Variants in CHRM4 observed in about 807,000 individuals in gnomAD.
The protein encoded by CHRM4 is muscarinic acetylcholine receptor M4.
In CHRM4, 5 loss-of-function variants were observed where a neutral mutation model predicts 26.3. The ratio of observed to expected loss-of-function variants is 0.19; its 90% CI spans 0.10 to 0.40. The LOEUF is 0.40. Ranked by LOEUF, CHRM4 falls within the 10% of genes least tolerant of loss-of-function variation. CHRM4 has a pLI of 1.00. For missense variants in CHRM4, 402 were observed against 664.5 expected (o/e 0.60, Z 4.34); for synonymous variants, 290 against 285.3 (o/e 1.02, Z -0.16).
At position 46,385,709 on chromosome 11, in the gene CHRM4, T is replaced by G; in HGVS notation, c.849A>C (p.Pro283=). The change falls in exon 2 of 2, where the codon CCA becomes CCC. Residue 283 remains proline (P), a synonymous_variant. Coordinates refer to ENST00000682254, the MANE Select transcript of CHRM4 (RefSeq NM_000741.5). The surrounding 1 kb of genome is among the most constrained non-coding windows in gnomAD (Gnocchi z 6.3). ...EEAPPPALPP[P]PRPVADKDTS... is the part of the protein sequence containing the mutation. Reference sequence around the variant, plus strand: ...TGTCCTTATCAGCCACGGGGCGCGGTGGCGGTGGCAGCGCTGGCGGGGGGG... The same window carrying G: ...TGTCCTTATCAGCCACGGGGCGCGGGGGCGGTGGCAGCGCTGGCGGGGGGG... 2 of 1,563,858 alleles carry G rather than the reference T, an allele frequency of 1.3e-6. No individual in the cohort carries two copies. The highest frequency in any genetic ancestry group is 2.4e-5 in the South Asian group (2 of 83,314).
Position 46,384,027 on chromosome 11 carries a change from T to A in CHRM4, c.*1091A>T, listed in dbSNP as rs902610955. 3.3e-5 allele frequency among the ~76,000 whole-genome samples: 5 copies of A among 152,150 alleles called. No homozygotes were observed. Among genetic ancestry groups the A allele is most frequent in the Admixed American group, 1.3e-4 (2 of 15,280 alleles). ...TGCTCCCCATCAAGTCACCTAAGCCTTTCGGTCCTCATCTCCCTCAGGGAC... is the reference window on the plus strand; with the variant it reads ...TGCTCCCCATCAAGTCACCTAAGCCATTCGGTCCTCATCTCCCTCAGGGAC... On this transcript the variant is annotated 3_prime_UTR_variant, in exon 2 of 2. Coordinates refer to ENST00000682254, the MANE Select transcript of CHRM4 (RefSeq NM_000741.5).
In CHRM4 at chr11:46,386,720, C is replaced by T. The variant is rs1196444799; in HGVS notation, c.-29-134G>A. The T allele has an allele frequency of 1.1e-5, 9 of 844,222 alleles. No homozygotes were observed. Among genetic ancestry groups the T allele is most frequent in the Non-Finnish European group, 1.3e-5 (7 of 554,692 alleles). 52.3% of individuals were successfully genotyped at this position (844,222 alleles called of 1,614,324 possible). On this transcript the variant is annotated intron_variant, in intron 1 of 1. Coordinates refer to ENST00000682254, the MANE Select transcript of CHRM4 (RefSeq NM_000741.5). The surrounding 1 kb of genome is among the most constrained non-coding windows in gnomAD (Gnocchi z 5.8). Reference sequence around the variant, plus strand: ...TTGAGAGAACTCTGTCCCGCCATCCCGCATTTGCCCATTCATTCAACATTA... The same window carrying T: ...TTGAGAGAACTCTGTCCCGCCATCCTGCATTTGCCCATTCATTCAACATTA...
At chr11:46,390,785 G>T (rs1490972191) in intron 1 of CHRM4, among the ~76,000 whole-genome samples, 1 of 152,276 alleles carries the variant, frequency 6.6e-6, no homozygotes. Flanking sequence ...TGGGCACTGT[G>T]TTTCCCGAGT....
chr11:46,388,013 C>T (rs568031162), intron 1 of CHRM4, among the ~76,000 whole-genome samples: 120 of 152,314 alleles, frequency 7.9e-4, no homozygotes, highest in Non-Finnish European at 1.3e-3. Context: ...GCCTGCCCTC[C>T]CTCCCACCAG....
rs1318220970 is a variant in CHRM4 at position 46,386,802 on chromosome 11, A to G, written c.-29-216T>C. 1.3e-5 allele frequency among the ~76,000 whole-genome samples: 2 copies of G among 152,232 alleles called. No individual in the cohort carries two copies. Among genetic ancestry groups the G allele is most frequent in the Non-Finnish European group, 2.9e-5 (2 of 68,036 alleles). ...CAGGGTGCTGTGGCTACAGAAGTGAATAAGACACACATGGCCCCCTGCCTC... is the reference window on the plus strand; with the variant it reads ...CAGGGTGCTGTGGCTACAGAAGTGAGTAAGACACACATGGCCCCCTGCCTC... On this transcript the variant is annotated intron_variant, in intron 1 of 1. Transcript: ENST00000682254. The surrounding 1 kb of genome is among the most constrained non-coding windows in gnomAD (Gnocchi z 5.8).
intron 1 of CHRM4, among the ~76,000 whole-genome samples, chr11:46,388,200 G>A (rs1226857577): frequency 1.3e-5 from 2 of 152,226 alleles, no homozygotes; most frequent in African/African-American, 4.8e-5. Context: ...AGGCATGGTC[G>A]GATACGCAGT....
rs1181273061 is a variant in CHRM4, at chr11:46,391,077, G to A, written c.-30+454C>T. On this transcript the variant is annotated intron_variant, in intron 1 of 1. Transcript: ENST00000682254. The surrounding 1 kb of genome is among the most constrained non-coding windows in gnomAD (Gnocchi z 6.3). ...GCTTGGAGGCTGGGCAGCAAAGGGG[G>A]GTAGTACCGGAGCGGGGGAGGGGTG... Among the ~76,000 whole-genome samples the A allele has an allele frequency of 6.6e-6, 1 of 152,042 alleles. No homozygotes were observed. The highest frequency in any genetic ancestry group is 1.5e-5 in the Non-Finnish European group (1 of 67,976).
At chr11:46,389,702 G>A (rs1945374640) in intron 1 of CHRM4, among the ~76,000 whole-genome samples, 4 of 152,336 alleles carry the variant, frequency 2.6e-5, no homozygotes, top group Middle Eastern at 3.4e-3. Flanking sequence ...AGTGACGCGG[G>A]GTCCCCTCGC....
intron 1 of CHRM4, among the ~76,000 whole-genome samples, chr11:46,390,907 A>G (rs1565106190): frequency 6.6e-6 from 1 of 152,172 alleles, no homozygotes; most frequent in Non-Finnish European, 1.5e-5. Context: ...GGCTCTGGGA[A>G]GGCTGTGGCC....
In CHRM4 at chr11:46,391,688, C is replaced by T. The variant is rs970895304; in HGVS notation, c.-187G>A. ...ACGGACGCGCGGCCCCGCGGGCCGG[C>T]GGGGCGGGCGGCCGGGCCGAGGGCC... On this transcript the variant is annotated 5_prime_UTR_variant, in exon 1 of 2. Transcript: ENST00000682254. This position sits in a 1 kb window ranked among gnomAD's most constrained non-coding sequence, Gnocchi z 6.3. 1.3e-5 allele frequency among the ~76,000 whole-genome samples: 2 copies of T among 148,284 alleles called. No individual in the cohort carries two copies. Among genetic ancestry groups the T allele is most frequent in the Admixed American group, 1.3e-4 (2 of 14,972 alleles).
Position 46,385,307 on chromosome 11 carries a change from G to A in CHRM4, c.1251C>T (p.Asn417=), listed in dbSNP as rs2229163. The A allele has an allele frequency of 7.0e-3, 11,283 of 1,613,950 alleles. 697 individuals carry two copies. In the African/African-American group the frequency reaches 0.13, roughly 19 times the overall value. Reference sequence around the variant, plus strand: ...AGAAGGTGTTCACCAGGACCATGACGTTGTAGGGCGTCCAGGTGAGGATGA... The same window carrying A: ...AGAAGGTGTTCACCAGGACCATGACATTGTAGGGCGTCCAGGTGAGGATGA... The part of the protein sequence containing the change: ...LAFILTWTPY[N]VMVLVNTFCQ... Residue 417 remains asparagine (N), a synonymous_variant, in exon 2 of 2, where the codon AAC becomes AAT. Coordinates refer to ENST00000682254, the MANE Select transcript of CHRM4 (RefSeq NM_000741.5). The surrounding 1 kb of genome is among the most constrained non-coding windows in gnomAD (Gnocchi z 6.3).
chr11:46,385,128 G>C lies in CHRM4; in HGVS notation c.1430C>G (p.Thr477Ser). 1 of 1,607,398 alleles carries C rather than the reference G, an allele frequency of 6.2e-7. No individual in the cohort carries two copies. Among genetic ancestry groups the C allele is most frequent in the Non-Finnish European group, 8.5e-7 (1 of 1,174,550 alleles). The change falls in exon 2 of 2, where the codon ACT (threonine) becomes AGT (serine). Residue 477 changes from threonine (T) to serine (S), a missense_variant. This residue lies in a region of CHRM4 where 55 missense variants were observed against 126.4 expected (regional missense o/e 0.44). Transcript: ENST00000682254. This position sits in a 1 kb window ranked among gnomAD's most constrained non-coding sequence, Gnocchi z 6.3. ...GGCACTCCTGCCTGCCTACCTGGCA[G>C]TGCCGATGTTCCGATACTGGCACAG... is the stretch of plus-strand genomic sequence containing the variant. ...LLLCQYRNIG[T>S]AR is the part of the protein sequence containing the mutation.
rs1421613137 is a variant in CHRM4 at position 46,386,113 on chromosome 11, C to A, written c.445G>T (p.Ala149Ser). 6.2e-7 allele frequency: 1 copy of A among 1,613,290 alleles called. No individual in the cohort carries two copies. Among genetic ancestry groups the A allele is most frequent in the Non-Finnish European group, 8.5e-7 (1 of 1,179,754 alleles). ...CAGGCAGCAGCAATCATGAGGCCTG[C>A]CATCTTGGTGGTGCGCCGGGCAGGG... ...TYPARRTTKM[A>S]GLMIAAAWVL... Residue 149 changes from alanine (A) to serine (S), a missense_variant, in exon 2 of 2, where the codon GCA (alanine) becomes TCA (serine). By Grantham distance (99) the Ala-to-Ser change is moderately conservative. This residue lies in a region of CHRM4 where 48 missense variants were observed against 129.1 expected (regional missense o/e 0.37). Coordinates refer to ENST00000682254, the MANE Select transcript of CHRM4 (RefSeq NM_000741.5). The surrounding 1 kb of genome is among the most constrained non-coding windows in gnomAD (Gnocchi z 5.8).
chr11:46,389,454 G>A (rs1250048894), intron 1 of CHRM4, among the ~76,000 whole-genome samples: 1 of 152,238 alleles, frequency 6.6e-6, no homozygotes, highest in East Asian at 1.9e-4. Context: ...CGTCGTTTTG[G>A]ACACCTCGGG....
rs200068788 is a variant in CHRM4 at position 46,385,961 on chromosome 11, T to A, written c.597A>T (p.Thr199=). The A allele has an allele frequency of 4.5e-5, 72 of 1,612,776 alleles. No individual in the cohort carries two copies. The highest frequency in any genetic ancestry group is 1.3e-4 in the Admixed American group (8 of 59,960). ...FLSNPAVTFG[T]AIAAFYLPVV... Reference sequence around the variant, plus strand: ...CAGGCAGGTAGAAGGCAGCAATGGCTGTGCCAAAGGTCACTGCTGGGTTGG... The same window carrying A: ...CAGGCAGGTAGAAGGCAGCAATGGCAGTGCCAAAGGTCACTGCTGGGTTGG... The change falls in exon 2 of 2, where the codon ACA becomes ACT. Residue 199 remains threonine (T), a synonymous_variant. Transcript: ENST00000682254. This position sits in a 1 kb window ranked among gnomAD's most constrained non-coding sequence, Gnocchi z 6.3.
In CHRM4 at chr11:46,391,541, C is replaced by T. The variant is rs1005966214; in HGVS notation, c.-40G>A. Among the ~76,000 whole-genome samples, 1 of 152,078 alleles carries T rather than the reference C, an allele frequency of 6.6e-6. No homozygotes were observed. ...CCCAGTCGAACCCACCTCTGGGGAG[C>T]CTCAGAGCGTCCCGGGGACCTGCTT... On this transcript the variant is annotated 5_prime_UTR_variant, in exon 1 of 2. Coordinates refer to ENST00000682254, the MANE Select transcript of CHRM4 (RefSeq NM_000741.5). This position sits in a 1 kb window ranked among gnomAD's most constrained non-coding sequence, Gnocchi z 6.3.
At chr11:46,387,527 G>T (rs1245552851) in intron 1 of CHRM4, among the ~76,000 whole-genome samples, 2 of 152,342 alleles carry the variant, frequency 1.3e-5, no homozygotes, top group East Asian at 1.9e-4. Flanking sequence ...GAGGCACGGA[G>T]CTGTTAAAAG....
rs1945323538 is a variant in CHRM4 at position 46,385,371 on chromosome 11, C to T, written c.1187G>A (p.Arg396His). The change falls in exon 2 of 2, where the codon CGC (arginine) becomes CAC (histidine). Residue 396 changes from arginine (R) to histidine (H), a missense_variant. Physicochemically the swap from Arg to His is conservative, Grantham distance 29. Around this residue, in one of 5 missense-constraint regions of CHRM4, gnomAD observed 55 missense variants for 126.4 expected, o/e 0.44. Transcript: ENST00000682254. This position sits in a 1 kb window ranked among gnomAD's most constrained non-coding sequence, Gnocchi z 6.3. The stretch of plus-strand genomic sequence containing the variant: ...GGCAAAGATCGTTCGTGTCACTTTG[C>T]GCTCCCGGGCCGCCATCTGCCGCTT... ...RKKRQMAARE[R>H]KVTRTIFAIL... 3.1e-6 allele frequency: 5 copies of T among 1,609,728 alleles called. No homozygotes were observed. The highest frequency in any genetic ancestry group is 4.3e-6 in the Non-Finnish European group (5 of 1,176,436).
chr11:46,386,183 G>A lies in CHRM4; in HGVS notation c.375C>T (p.Ile125=). The A allele has an allele frequency of 6.2e-7, 1 of 1,613,808 alleles. No homozygotes were observed. The highest frequency in any genetic ancestry group is 8.5e-7 in the Non-Finnish European group (1 of 1,179,888). Residue 125 remains isoleucine (I), a synonymous_variant, in exon 2 of 2, where the codon ATC becomes ATT. Coordinates refer to ENST00000682254, the MANE Select transcript of CHRM4 (RefSeq NM_000741.5). The surrounding 1 kb of genome is among the most constrained non-coding windows in gnomAD (Gnocchi z 5.8). ...VSNASVMNLL[I]ISFDRYFCVT... is the part of the protein sequence containing the mutation. Reference sequence around the variant, plus strand: ...CGCAGAAGTAGCGGTCAAAGCTGATGATGAGAAGGTTCATGACGGAGGCGT... The same window carrying A: ...CGCAGAAGTAGCGGTCAAAGCTGATAATGAGAAGGTTCATGACGGAGGCGT...
Sources: allele counts gnomAD v4.1 joint callset (sites outside exome capture counted in the v4.1 genomes callset), GRCh38; gene constraint gnomAD v4.1.1; regional missense constraint gnomAD v4.1.1; non-coding constraint Gnocchi (gnomAD v3.1); transcripts MANE v1.5; gene names NCBI Gene and HGNC (gene_info 2026-07-23, HGNC 2026-07-21).